RPA3: variants seen among roughly 807,000 people sequenced by gnomAD.
The protein encoded by RPA3 is replication protein A3.
Under a neutral mutation model 13.7 loss-of-function variants are expected in RPA3, and 24 were observed. The observed-to-expected ratio is 1.75, with a 90% confidence interval of 1.27 to 2.46. The LOEUF is 2.46. Ranked by LOEUF, RPA3 falls within the 30% of genes most tolerant of loss-of-function variation. The pLI, the probability that RPA3 is intolerant of heterozygous loss-of-function variation, is 0.00. For synonymous variants in RPA3, 59 were observed against 51.2 expected (o/e 1.15, Z -0.65); for missense variants, 183 against 151.0 (o/e 1.21, Z -1.11).
intron 4 of RPA3, among the ~76,000 whole-genome samples, chr7:7,659,769 C>T (rs957951470): frequency 9.2e-5 from 14 of 152,054 alleles, no homozygotes; most frequent in Admixed American, 4.6e-4. Flanking sequence ...GAGAAGAATG[C>T]ATATTCTGTT....
At chr7:7,644,367 T>TTA (rs71010992) in intron 4 of RPA3, among the ~76,000 whole-genome samples, 2 of 151,212 alleles carry the variant, frequency 1.3e-5, no homozygotes, top group Admixed American at 6.6e-5. Flanking sequence ...TTTTTTTTTT[T>TTA]ATTAGGAAGA....
At chr7:7,644,153 G>A (rs1785041279) in intron 4 of RPA3, among the ~76,000 whole-genome samples, 2 of 152,006 alleles carry the variant, frequency 1.3e-5, no homozygotes, top group South Asian at 4.1e-4. Context: ...TTTTTTTGTC[G>A]TGACCCTAAT....
chr7:7,665,923 C>T (rs994871263), intron 4 of RPA3, among the ~76,000 whole-genome samples: 1 of 151,342 alleles, frequency 6.6e-6, no homozygotes, highest in African/African-American at 2.4e-5. Flanking sequence ...TTTAAAAATC[C>T]ATTTACCTGT....
chr7:7,690,662 ATACTT>A (rs1780152283), intron 2 of RPA3, among the ~76,000 whole-genome samples: 1 of 152,188 alleles, frequency 6.6e-6, no homozygotes, highest in South Asian at 2.1e-4. Flanking sequence ...TATATTGAGA[ATACTT>A]TAATATATCT....
At chr7:7,638,085 T>C in intron 6 of RPA3, 113 bp from the exon 7 acceptor site, 1 of 648,246 alleles carries the variant, frequency 1.5e-6, no homozygotes, top group Non-Finnish European at 2.6e-6. Context: ...CAAAGTAATT[T>C]TAAGAATTAC....
intron 4 of RPA3, among the ~76,000 whole-genome samples, chr7:7,678,260 CT>C (rs35198716): frequency 0.58 from 87,386 of 151,116 alleles, 25,501 homozygotes; most frequent in East Asian, 0.8. Flanking sequence ...TATTGCTTAT[CT>C]TTTGGATTAA....
chr7:7,697,370 T>A (rs2115147615), intron 2 of RPA3, among the ~76,000 whole-genome samples: 1 of 152,364 alleles, frequency 6.6e-6, no homozygotes, highest in East Asian at 1.9e-4. Context: ...TTTGTTTTCT[T>A]CTAAAACACC....
At chr7:7,674,711 C>G (rs1029834524) in intron 4 of RPA3, among the ~76,000 whole-genome samples, 10 of 152,112 alleles carry the variant, frequency 6.6e-5, no homozygotes, top group African/African-American at 2.4e-4. Flanking sequence ...GAATTTATGC[C>G]TTGGCTTCCA....
intron 4 of RPA3, among the ~76,000 whole-genome samples, chr7:7,662,578 A>C (rs1785502722): frequency 6.6e-6 from 1 of 152,218 alleles, no homozygotes. Flanking sequence ...GGAGTTTCCC[A>C]ACCCCTTATG....
intron 2 of RPA3, among the ~76,000 whole-genome samples, chr7:7,700,126 T>C (rs1780422035): frequency 6.6e-6 from 1 of 152,114 alleles, no homozygotes; most frequent in Admixed American, 6.6e-5. Flanking sequence ...AATAGAAATG[T>C]ATTTCTCAGA....
chr7:7,681,127 A>G (rs1312967247), intron 4 of RPA3, among the ~76,000 whole-genome samples: 4 of 152,202 alleles, frequency 2.6e-5, no homozygotes, highest in South Asian at 2.1e-4. Context: ...CTTTTTATCA[A>G]TATGGACACC....
intron 2 of RPA3, among the ~76,000 whole-genome samples, chr7:7,710,821 A>G (rs968391545): frequency 1.3e-5 from 2 of 152,186 alleles, no homozygotes; most frequent in Non-Finnish European, 2.9e-5. Flanking sequence ...GGTTAAATCT[A>G]TGGTATATCT....
intron 4 of RPA3, among the ~76,000 whole-genome samples, chr7:7,649,933 G>A (rs1785187463): frequency 6.6e-6 from 1 of 152,156 alleles, no homozygotes; most frequent in Non-Finnish European, 1.5e-5. Flanking sequence ...CCAGAAAGTG[G>A]GCATTCATCA....
chr7:7,685,228 A>G (rs1042405669), intron 4 of RPA3, among the ~76,000 whole-genome samples: 1 of 152,014 alleles, frequency 6.6e-6, no homozygotes, highest in Non-Finnish European at 1.5e-5. Context: ...AGTAATTATC[A>G]TATTGAGCAT....
At chr7:7,710,621 A>G (rs1295338813) in intron 2 of RPA3, among the ~76,000 whole-genome samples, 1 of 152,212 alleles carries the variant, frequency 6.6e-6, no homozygotes, top group Non-Finnish European at 1.5e-5. Context: ...AAATGGTACA[A>G]TTACTCTGGA....
chr7:7,699,568 G>A lies in RPA3; in HGVS notation c.-1027-12240C>T, dbSNP rs147814530. Among the ~76,000 whole-genome samples, 633 of 152,296 alleles carry A rather than the reference G, an allele frequency of 4.2e-3. 1 individual carries two copies. Among genetic ancestry groups the A allele is most frequent in the Non-Finnish European group, 4.5e-3 (307 of 68,018 alleles). ...AACTGAATCCCTAGGGTGGTCCCTGGATGTGATGGTCCAATCTGTAAGGTC... is the reference window on the plus strand; with the variant it reads ...AACTGAATCCCTAGGGTGGTCCCTGAATGTGATGGTCCAATCTGTAAGGTC... On this transcript the variant is annotated intron_variant, in intron 2 of 7. Transcript: ENST00000223129.
At chr7:7,676,793 G>T (rs1036479705) in intron 4 of RPA3, among the ~76,000 whole-genome samples, 1 of 152,164 alleles carries the variant, frequency 6.6e-6, no homozygotes, top group African/African-American at 2.4e-5. Context: ...ACATCCTTCA[G>T]TGGTGAAGAA....
chr7:7,656,830 A>C (rs1284731095), intron 4 of RPA3, among the ~76,000 whole-genome samples: 1 of 152,244 alleles, frequency 6.6e-6, no homozygotes, highest in Non-Finnish European at 1.5e-5. Context: ...GTATATACCC[A>C]GTAATGGGAT....
intron 2 of RPA3, among the ~76,000 whole-genome samples, chr7:7,690,151 T>C (rs1482055410): frequency 1.3e-5 from 2 of 152,212 alleles, no homozygotes; most frequent in African/African-American, 2.4e-5. Context: ...AGCTATGTTA[T>C]TAAGTCAGCA....
Sources: gnomAD v4.1 joint callset for allele counts (sites outside exome capture counted in the v4.1 genomes callset) on GRCh38, gnomAD v4.1.1 for gene constraint, MANE v1.5 for transcripts, NCBI Gene and HGNC (gene_info 2026-07-23, HGNC 2026-07-21) for gene names.